Variants in ERC2 observed in about 807,000 individuals in gnomAD.
ERC2 encodes ERC protein 2.
Under a neutral mutation model 114.8 loss-of-function variants are expected in ERC2, and 42 were observed. The observed-to-expected ratio is 0.37, with a 90% confidence interval of 0.29 to 0.47. The LOEUF (loss-of-function observed/expected upper bound fraction) is 0.47, where lower values mean the gene tolerates loss of function less well. ERC2 is among the 20% of genes least tolerant of loss of function. The probability of loss-of-function intolerance (pLI) is 0.99; values close to 1 mark genes in which losing one functional copy is unlikely to be tolerated. For synonymous variants in ERC2, 454 were observed against 425.5 expected (o/e 1.07, Z -0.82); for missense variants, 939 against 1,150.7 (o/e 0.82, Z 2.66).
At chr3:55,807,263 A>C (rs1330367148) in intron 14 of ERC2, among the ~76,000 whole-genome samples, 1 of 152,194 alleles carries the variant, frequency 6.6e-6, no homozygotes, top group Non-Finnish European at 1.5e-5. Flanking sequence ...GACATTTTCT[A>C]AACTTCATTA....
chr3:55,554,241 G>A (rs2055435553), intron 17 of ERC2, among the ~76,000 whole-genome samples: 2 of 152,156 alleles, frequency 1.3e-5, no homozygotes, highest in Admixed American at 1.3e-4. Context: ...TCTGTAAAGT[G>A]AGACTCATAG....
chr3:55,685,662 A>G (rs2062292061), intron 16 of ERC2, among the ~76,000 whole-genome samples: 2 of 152,092 alleles, frequency 1.3e-5, no homozygotes, highest in Admixed American at 1.3e-4. Context: ...GTGCAAATAT[A>G]TGTCTCTGGA....
Position 55,896,275 on chromosome 3 carries a change from G to A in ERC2, c.2404-7726C>T, listed in dbSNP as rs9872964. On this transcript the variant is annotated intron_variant, in intron 13 of 17. Transcript: ENST00000288221. ...GTGATTTTAAAGAAAAGTACTGGGT[G>A]GTGCAAAAGAGTAAAACAGCAGCCC... Among the ~76,000 whole-genome samples, 1,013 of 152,316 alleles carry A rather than the reference G, an allele frequency of 6.7e-3. 11 individuals carry two copies. Among genetic ancestry groups the A allele is most frequent in the African/African-American group, 0.023 (968 of 41,578 alleles).
intron 3 of ERC2, among the ~76,000 whole-genome samples, chr3:56,211,297 C>T (rs1164335810): frequency 6.6e-6 from 1 of 152,144 alleles, no homozygotes; most frequent in Non-Finnish European, 1.5e-5. Flanking sequence ...CCCTGCTATA[C>T]ACCAACAGCA....
In ERC2 at chr3:56,340,542, A is replaced by ATGTGTGTGTGTGTGTGTGTG. The variant is rs10690369; in HGVS notation, c.658-44127_658-44108dup. On this transcript the variant is annotated intron_variant, in intron 2 of 17. Transcript: ENST00000288221. ...TGTGTGAGAGAGAGAGAGAGAGTGAATGTGTGTGTGTGTGTGTGTGTGTGT... is the reference window on the plus strand; with the variant it reads ...TGTGTGAGAGAGAGAGAGAGAGTGAATGTGTGTGTGTGTGTGTGTGTGTGTGTGTGTGTGTGTGTGTGTGT... 5.5e-4 allele frequency among the ~76,000 whole-genome samples: 78 copies of ATGTGTGTGTGTGTGTGTGTG among 141,524 alleles called. 1 individual carries two copies. Among genetic ancestry groups the ATGTGTGTGTGTGTGTGTGTG allele is most frequent in the African/African-American group, 1.7e-3 (63 of 37,714 alleles). The allele number at this position is 141,524 out of a possible 152,430, so 92.8% of individuals were successfully genotyped here.
chr3:55,972,895 A>G (rs1429704884), intron 12 of ERC2, among the ~76,000 whole-genome samples: 1 of 152,202 alleles, frequency 6.6e-6, no homozygotes, highest in Non-Finnish European at 1.5e-5. Context: ...GCTCCAATAT[A>G]GAGAGATGGG....
intron 17 of ERC2, among the ~76,000 whole-genome samples, chr3:55,558,182 T>G (rs542130992): frequency 6.6e-6 from 1 of 152,242 alleles, no homozygotes; most frequent in Non-Finnish European, 1.5e-5. Flanking sequence ...ATGTGATCCT[T>G]TGATTAACGT....
intron 16 of ERC2, among the ~76,000 whole-genome samples, chr3:55,696,482 C>A (rs1049771850): frequency 6.6e-6 from 1 of 152,184 alleles, no homozygotes; most frequent in African/African-American, 2.4e-5. Flanking sequence ...GTTAAAATCT[C>A]ATCCACATCA....
chr3:55,752,693 A>G (rs2066789900), intron 14 of ERC2, among the ~76,000 whole-genome samples: 1 of 152,226 alleles, frequency 6.6e-6, no homozygotes. Context: ...AGATAAGAAA[A>G]GAGAGGCAGA....
In ERC2 at chr3:55,539,764, C is replaced by A. The variant is rs2054266603; in HGVS notation, c.*40-28488G>T. On this transcript the variant is annotated intron_variant, in intron 17 of 17. Transcript: ENST00000288221. ...TTCACACTGAAAGCTCTAAGTCCTGCAATAAAAACAATATATTTAATGTTG... is the reference window on the plus strand; with the variant it reads ...TTCACACTGAAAGCTCTAAGTCCTGAAATAAAAACAATATATTTAATGTTG... Among the ~76,000 whole-genome samples the A allele has an allele frequency of 2.0e-5, 3 of 151,860 alleles. 1 individual carries two copies. The South Asian group carries it at 6.2e-4, about 32-fold the overall frequency.
In ERC2 at chr3:55,799,450, C is replaced by CATATATAT. The variant is rs59209006; in HGVS notation, c.2565-64540_2565-64533dup. ...TATATATATGCCTTATATATATATG[C>CATATATAT]ATATATATATATATATATATATATG... On this transcript the variant is annotated intron_variant, in intron 14 of 17. Coordinates refer to ENST00000288221, the MANE Select transcript of ERC2 (RefSeq NM_015576.3). 1.3e-3 allele frequency among the ~76,000 whole-genome samples: 135 copies of CATATATAT among 106,136 alleles called. 2 individuals carry two copies. The highest frequency in any genetic ancestry group is 4.8e-3 in the African/African-American group (111 of 23,288). The allele number at this position is 106,136 out of a possible 152,430, so 69.6% of individuals were successfully genotyped here.
At chr3:56,171,486 C>T (rs1425790639) in intron 4 of ERC2, among the ~76,000 whole-genome samples, 2 of 152,160 alleles carry the variant, frequency 1.3e-5, no homozygotes, top group African/African-American at 4.8e-5. Context: ...TTATATTGCT[C>T]TTCATTTGTC....
intron 10 of ERC2, among the ~76,000 whole-genome samples, chr3:55,997,515 T>C (rs2071614064): frequency 6.7e-6 from 1 of 148,190 alleles, no homozygotes; most frequent in South Asian, 2.1e-4. Flanking sequence ...ATTTATATTA[T>C]ATATTATATA....
chr3:56,043,240 G>A (rs184660587), intron 7 of ERC2, among the ~76,000 whole-genome samples: 224 of 152,214 alleles, frequency 1.5e-3, no homozygotes, highest in Non-Finnish European at 2.6e-3. Context: ...AAATATTCTA[G>A]TTTTTCAACA....
In ERC2 at chr3:55,989,445, C is replaced by A. The variant is rs534329431; in HGVS notation, c.2255+2612G>T. Among the ~76,000 whole-genome samples the A allele has an allele frequency of 5.9e-5, 9 of 152,340 alleles. No homozygotes were observed. In the South Asian group the frequency reaches 1.9e-3, roughly 32 times the overall value. On this transcript the variant is annotated intron_variant, in intron 11 of 17. Transcript: ENST00000288221. Reference sequence around the variant, plus strand: ...TGGTTTAGCATAGAAAAAATGCCATCTAAGCGTGAAGCACATCACTTTCTC... The same window carrying A: ...TGGTTTAGCATAGAAAAAATGCCATATAAGCGTGAAGCACATCACTTTCTC...
chr3:56,181,865 C>A (rs984822047), intron 3 of ERC2, among the ~76,000 whole-genome samples: 3 of 152,140 alleles, frequency 2.0e-5, no homozygotes, highest in Admixed American at 2.0e-4. Context: ...GAAACTGAGG[C>A]CTCCTGCCAA....
At chr3:56,144,381 G>GGGGTA (rs1211977332) in intron 5 of ERC2, among the ~76,000 whole-genome samples, 2 of 152,132 alleles carry the variant, frequency 1.3e-5, no homozygotes, top group Non-Finnish European at 2.9e-5. Context: ...TCTTCTCAGG[G>GGGGTA]GGGTATGGCC....
chr3:55,822,480 C>A (rs921957107), intron 14 of ERC2, among the ~76,000 whole-genome samples: 7 of 152,042 alleles, frequency 4.6e-5, no homozygotes. Flanking sequence ...ACTCAGTGAG[C>A]ATGCTTAATT....
rs3076615 is a variant in ERC2, at chr3:55,926,415, T to TAAAAA, written c.2403+24005_2403+24009dup. Among the ~76,000 whole-genome samples the TAAAAA allele has an allele frequency of 6.7e-3, 996 of 148,350 alleles. 15 individuals carry two copies. Among genetic ancestry groups the TAAAAA allele is most frequent in the African/African-American group, 0.022 (887 of 40,364 alleles). On this transcript the variant is annotated intron_variant, in intron 13 of 17. Transcript: ENST00000288221. Reference sequence around the variant, plus strand: ...GAGCTTGTTTTTTGTTTTTTGTTTTTAAAAAAAAAAAAACTAAAAGATCGA... The same window carrying TAAAAA: ...GAGCTTGTTTTTTGTTTTTTGTTTTTAAAAAAAAAAAAAAAAAACTAAAAGATCGA...
Sources: gnomAD v4.1 joint callset for allele counts (sites outside exome capture counted in the v4.1 genomes callset) on GRCh38, gnomAD v4.1.1 for gene constraint, MANE v1.5 for transcripts, NCBI Gene and HGNC (gene_info 2026-07-23, HGNC 2026-07-21) for gene names.